The following COL9A1 variants were observed in gnomAD, a reference collection of about 807,000 sequenced individuals.
The protein encoded by COL9A1 is collagen type IX alpha 1 chain.
A neutral mutation model predicts 142.6 loss-of-function variants in COL9A1; 104 were observed. The observed-to-expected ratio is 0.73, with a 90% confidence interval of 0.62 to 0.86. The LOEUF (loss-of-function observed/expected upper bound fraction) is 0.86, where lower values mean the gene tolerates loss of function less well. COL9A1 is among the 40% of genes least tolerant of loss of function. The pLI, the probability that COL9A1 is intolerant of heterozygous loss-of-function variation, is 0.00. For synonymous variants in COL9A1, 466 were observed against 396.0 expected (o/e 1.18, Z -2.10); for missense variants, 1,210 against 1,176.6 (o/e 1.03, Z -0.42).
intron 5 of COL9A1, among the ~76,000 whole-genome samples, chr6:70,284,911 T>C (rs1773389411): frequency 6.6e-6 from 1 of 152,220 alleles, no homozygotes; most frequent in South Asian, 2.1e-4. Flanking sequence ...GGAAATTACA[T>C]AATTTTTTTC....
chr6:70,274,601 G>C (rs749196327), intron 11 of COL9A1, 118 bp downstream of exon 11: 5 of 821,784 alleles, frequency 6.1e-6, no homozygotes, highest in African/African-American at 1.7e-5. Flanking sequence ...CACAATTTTA[G>C]TTGAACGAGT....
intron 33 of COL9A1, among the ~76,000 whole-genome samples, chr6:70,235,887 G>T (rs1035784809): frequency 6.6e-5 from 10 of 151,988 alleles, no homozygotes; most frequent in African/African-American, 2.4e-4. Context: ...GGCCCAGGTG[G>T]GCGGATCACG....
At chr6:70,217,907 A>T (rs1342872027) in intron 37 of COL9A1, among the ~76,000 whole-genome samples, 2 of 152,184 alleles carry the variant, frequency 1.3e-5, no homozygotes, top group Non-Finnish European at 2.9e-5. Context: ...TTGGGAAGCC[A>T]AGGTGGGCAG....
intron 36 of COL9A1, among the ~76,000 whole-genome samples, chr6:70,227,931 T>C (rs1769335892): frequency 6.6e-6 from 1 of 152,080 alleles, no homozygotes. Flanking sequence ...AAAAAATACA[T>C]ATTCATGTAT....
chr6:70,242,851 A>T, intron 28 of COL9A1, 136 bp from the exon 29 acceptor site: 1 of 761,420 alleles, frequency 1.3e-6, no homozygotes, highest in Non-Finnish European at 2.3e-6. Flanking sequence ...TAGTGCCTAC[A>T]GCATCCTGTG....
At chr6:70,283,048 G>T (rs749025169) in intron 6 of COL9A1, 130 bp from the exon 7 acceptor site, 14 of 1,568,970 alleles carry the variant, frequency 8.9e-6, no homozygotes, top group South Asian at 6.8e-5. Context: ...CGCAGTCCAG[G>T]CCATGCCCGC....
intron 5 of COL9A1, among the ~76,000 whole-genome samples, chr6:70,291,838 T>A (rs1392443156): frequency 6.6e-6 from 1 of 152,110 alleles, no homozygotes; most frequent in Admixed American, 6.6e-5. Flanking sequence ...GAAGATAAGG[T>A]AGATTAGAAA....
At chr6:70,215,768 T>G (rs1768461475), downstream of COL9A1, 1 of 152,170 alleles carries the variant, frequency 6.6e-6, no homozygotes, top group Admixed American at 6.5e-5. Flanking sequence ...GTTCTTAACC[T>G]AGAAATAAAG....
At chr6:70,283,108 G>A (rs1773278501) in intron 6 of COL9A1, 190 bp from the exon 7 acceptor site, 1 of 1,510,756 alleles carries the variant, frequency 6.6e-7, no homozygotes, top group South Asian at 1.3e-5. Context: ...TTCCCCTCTA[G>A]GCTTCCAGAC....
Position 70,278,982 on chromosome 6 carries a change from A to G in COL9A1, c.975+1830T>C, listed in dbSNP as rs547820170. 1.4e-3 allele frequency among the ~76,000 whole-genome samples: 213 copies of G among 152,324 alleles called. 1 individual carries two copies. The highest frequency in any genetic ancestry group is 5.0e-3 in the African/African-American group (207 of 41,568). On this transcript the variant is annotated intron_variant, in intron 10 of 37. Transcript: ENST00000357250. ...AGTCCAGCTTTCTGTCTGACATTATATTGCAGTTTAATTAATAGCAAGACA... is the reference window on the plus strand; with the variant it reads ...AGTCCAGCTTTCTGTCTGACATTATGTTGCAGTTTAATTAATAGCAAGACA...
intron 17 of COL9A1, among the ~76,000 whole-genome samples, chr6:70,268,003 C>T (rs1306856318): frequency 6.6e-6 from 1 of 152,162 alleles, no homozygotes; most frequent in East Asian, 1.9e-4. Flanking sequence ...AGAGAGAAAG[C>T]TATTTATCCC....
At chr6:70,283,542 G>A (rs1773307358) in intron 6 of COL9A1, among the ~76,000 whole-genome samples, 195 bp downstream of exon 6, 1 of 152,208 alleles carries the variant, frequency 6.6e-6, no homozygotes, top group Admixed American at 6.5e-5. Context: ...GCTGCAGGTG[G>A]TTTCTACCCG....
intron 28 of COL9A1, among the ~76,000 whole-genome samples, chr6:70,251,428 TC>T (rs894190939): frequency 1.3e-5 from 2 of 152,120 alleles, no homozygotes; most frequent in Non-Finnish European, 2.9e-5. Context: ...ACCCCTTCAG[TC>T]CCAGCCACTC....
chr6:70,265,962 CA>C, intron 18 of COL9A1, among the ~76,000 whole-genome samples: 1 of 152,014 alleles, frequency 6.6e-6, no homozygotes, highest in Admixed American at 6.6e-5. Context: ...ACATAGTCAA[CA>C]AAGTCAAGAG....
chr6:70,266,668 C>A, intron 18 of COL9A1, 49 bp downstream of exon 18: 1 of 1,371,052 alleles, frequency 7.3e-7, no homozygotes, highest in Non-Finnish European at 1.0e-6. Flanking sequence ...ATGAAAGTGA[C>A]CAATAACTCC....
intron 36 of COL9A1, among the ~76,000 whole-genome samples, chr6:70,230,145 G>C (rs1367205937): frequency 6.6e-6 from 1 of 152,160 alleles, no homozygotes; most frequent in Non-Finnish European, 1.5e-5. Context: ...TTTCAAATTG[G>C]TGGAATGTTT....
At chr6:70,221,871 C>G (rs1210115003) in intron 37 of COL9A1, among the ~76,000 whole-genome samples, 3 of 152,178 alleles carry the variant, frequency 2.0e-5, no homozygotes, top group Non-Finnish European at 4.4e-5. Context: ...ATAACACTAG[C>G]TGACCTGTGG....
intron 28 of COL9A1, among the ~76,000 whole-genome samples, chr6:70,244,896 A>G (rs1289547011): frequency 4.7e-4 from 71 of 152,210 alleles, no homozygotes; most frequent in Admixed American, 4.6e-3. Context: ...TGAACAGCTC[A>G]GAGACCCACA....
chr6:70,278,343 AT>A (rs1562322062), intron 10 of COL9A1, among the ~76,000 whole-genome samples: 2 of 152,184 alleles, frequency 1.3e-5, no homozygotes, highest in East Asian at 3.8e-4. Flanking sequence ...CTATTTTGTT[AT>A]CTTAGCTACT....
Sources: gnomAD v4.1 joint callset for allele counts (sites outside exome capture counted in the v4.1 genomes callset) on GRCh38, gnomAD v4.1.1 for gene constraint, MANE v1.5 for transcripts, NCBI Gene and HGNC (gene_info 2026-07-23, HGNC 2026-07-21) for gene names.